The following NCAM2 variants were observed in gnomAD, a reference collection of about 807,000 sequenced individuals.
The protein encoded by NCAM2 is neural cell adhesion molecule 2, also known as N-CAM-2.
Under a neutral mutation model 98.1 loss-of-function variants are expected in NCAM2, and 30 were observed. The observed-to-expected ratio is 0.31, with a 90% CI of 0.23 to 0.41. The LOEUF (loss-of-function observed/expected upper bound fraction) is 0.41. Ranked by LOEUF, NCAM2 falls within the 10% of genes least tolerant of loss-of-function variation. NCAM2 has a pLI of 1.00. For missense variants in NCAM2, 867 were observed against 1,005.8 expected, an observed-to-expected ratio of 0.86 and a Z score of 1.87; for synonymous variants, 368 against 342.4, an observed-to-expected ratio of 1.07 and a Z score of -0.83.
At chr21:21,330,999 A>G (rs1020426926) in intron 6 of NCAM2, among the ~76,000 whole-genome samples, 4 of 152,082 alleles carry the variant, frequency 2.6e-5, no homozygotes, top group Non-Finnish European at 4.4e-5. Context: ...GATGTTTTGT[A>G]TGTCCTCCAT....
At chr21:21,050,102 G>A (rs2065077406) in intron 1 of NCAM2, among the ~76,000 whole-genome samples, 1 of 147,692 alleles carries the variant, frequency 6.8e-6, no homozygotes, top group Non-Finnish European at 1.5e-5. Flanking sequence ...AAATTTGAAT[G>A]TTTTTTTCAT....
chr21:21,250,048 A>G (rs1201268841), intron 1 of NCAM2, among the ~76,000 whole-genome samples: 2 of 152,178 alleles, frequency 1.3e-5, no homozygotes, highest in Non-Finnish European at 2.9e-5. Flanking sequence ...ATAGGTTCGG[A>G]TAGACTAATC....
At chr21:21,431,557 A>C (rs1447894177) in intron 11 of NCAM2, among the ~76,000 whole-genome samples, 1 of 152,136 alleles carries the variant, frequency 6.6e-6, no homozygotes, top group Non-Finnish European at 1.5e-5. Flanking sequence ...ATAATATATA[A>C]ATGAAATTAG....
intron 1 of NCAM2, among the ~76,000 whole-genome samples, chr21:21,262,510 A>T (rs1377944407): frequency 6.6e-6 from 1 of 152,050 alleles, no homozygotes; most frequent in African/African-American, 2.4e-5. Flanking sequence ...AAATAATAAG[A>T]GCTATATTTG....
chr21:21,116,449 C>T (rs1429291568), intron 1 of NCAM2, among the ~76,000 whole-genome samples: 1 of 152,072 alleles, frequency 6.6e-6, no homozygotes, highest in Non-Finnish European at 1.5e-5. Flanking sequence ...ATATGGCTGA[C>T]GAAGTGTCTT....
intron 1 of NCAM2, among the ~76,000 whole-genome samples, chr21:21,119,339 A>C (rs1037404024): frequency 6.6e-6 from 1 of 152,184 alleles, no homozygotes; most frequent in Non-Finnish European, 1.5e-5. Context: ...CTATGAGCTC[A>C]GATTTCTGGT....
chr21:21,210,829 T>A (rs947869637), intron 1 of NCAM2: 6 of 296,240 alleles, frequency 2.0e-5, no homozygotes, highest in Middle Eastern at 8.9e-4. Flanking sequence ...AGGGATACTT[T>A]GATAAATTAC....
Position 21,292,162 on chromosome 21 carries a change from T to C in NCAM2, c.540T>C (p.Asp180=). The C allele has an allele frequency of 1.2e-6, 2 of 1,610,794 alleles. No individual in the cohort carries two copies. Among genetic ancestry groups the C allele is most frequent in the African/African-American group, 2.7e-5 (2 of 74,786 alleles). ...AGATTCTCAACATCAATAAAAGTGATGAAGGTATATACAGATGTGAAGGAA... is the reference window on the plus strand; with the variant it reads ...AGATTCTCAACATCAATAAAAGTGACGAAGGTATATACAGATGTGAAGGAA... ...NLQILNINKS[D]EGIYRCEGRV... is the part of the protein sequence containing the mutation. Residue 180 remains aspartate, a synonymous_variant, in exon 5 of 18, where the codon GAT becomes GAC. Transcript: ENST00000400546.
chr21:21,123,267 C>T (rs11701723), intron 1 of NCAM2, among the ~76,000 whole-genome samples: 89,125 of 151,490 alleles, frequency 0.59, 26,864 homozygotes, highest in East Asian at 0.81. Context: ...TGGTGGCACG[C>T]ACCTGAGTCC....
intron 9 of NCAM2, among the ~76,000 whole-genome samples, chr21:21,399,132 A>C (rs1040014218): frequency 6.6e-6 from 1 of 152,174 alleles, no homozygotes; most frequent in African/African-American, 2.4e-5. Context: ...TCAAGTCACA[A>C]TGCTTCCATA....
chr21:21,390,216 T>C (rs2076352907), intron 9 of NCAM2, among the ~76,000 whole-genome samples: 1 of 152,228 alleles, frequency 6.6e-6, no homozygotes, highest in South Asian at 2.1e-4. Flanking sequence ...GCTTGCATTA[T>C]GTTATTACAA....
rs9982299 is a variant in NCAM2, at chr21:21,120,554, C to T, written c.55+121936C>T. Among the ~76,000 whole-genome samples the T allele has an allele frequency of 7.5e-3, 1,146 of 151,984 alleles. 13 individuals carry two copies. The highest frequency in any genetic ancestry group is 0.026 in the African/African-American group (1,082 of 41,438). ...CTGATTAAGCCTGCGTGTTCACAGG[C>T]GGGGGACGCTGCTTCGGCAGAGCCC... On this transcript the variant is annotated intron_variant, in intron 1 of 17. Coordinates refer to ENST00000400546, the MANE Select transcript of NCAM2 (RefSeq NM_004540.5).
intron 6 of NCAM2, among the ~76,000 whole-genome samples, chr21:21,333,224 A>C (rs907193718): frequency 9.9e-5 from 15 of 152,206 alleles, no homozygotes; most frequent in African/African-American, 3.6e-4. Flanking sequence ...TCCCTTATTT[A>C]TGATGGCTTA....
At position 21,164,501 on chromosome 21, in the gene NCAM2, G is replaced by A. The variant is rs559049864; in HGVS notation, c.56-116077G>A. ...TAACATAACCCCGAGAGACTAACTG[G>A]ACTACCTTTGGTCAGATGACAGAAG... On this transcript the variant is annotated intron_variant, in intron 1 of 17. Transcript: ENST00000400546. 1.1e-4 allele frequency among the ~76,000 whole-genome samples: 16 copies of A among 152,108 alleles called. No individual in the cohort carries two copies. In the East Asian group the frequency reaches 2.5e-3, roughly 24 times the overall value.
chr21:21,104,528 A>G (rs2066306602), intron 1 of NCAM2, among the ~76,000 whole-genome samples: 1 of 152,076 alleles, frequency 6.6e-6, no homozygotes, highest in African/African-American at 2.4e-5. Flanking sequence ...TGAAGCATAT[A>G]TTTTAGTAAA....
Position 21,508,849 on chromosome 21 carries a change from A to AAAAAAG in NCAM2, c.2078-2_2078-1insAAAAAG. 3.0e-6 allele frequency: 2 copies of AAAAAAG among 670,692 alleles called. No homozygotes were observed. Among genetic ancestry groups the AAAAAAG allele is most frequent in the Non-Finnish European group, 4.1e-6 (2 of 488,298 alleles). 41.5% of individuals were successfully genotyped at this position (670,692 alleles called of 1,614,324 possible). On this transcript the variant is annotated splice_acceptor_variant, in intron 15 of 17. Transcript: ENST00000400546. LOFTEE classifies it high-confidence loss of function. ...TTTTTTTTTTTTTTTTTACTTTTTA[A>AAAAAAG]GACACGCTGTTTAATGGTCTTGGGC... is the stretch of plus-strand genomic sequence containing the variant.
intron 1 of NCAM2, among the ~76,000 whole-genome samples, chr21:21,038,878 T>C (rs1016095846): frequency 2.0e-4 from 31 of 152,306 alleles, no homozygotes; most frequent in African/African-American, 7.0e-4. Flanking sequence ...CGCTAAAACA[T>C]GGCAGAACCT....
At chr21:21,320,562 A>G (rs1379275673) in intron 5 of NCAM2, among the ~76,000 whole-genome samples, 4 of 152,222 alleles carry the variant, frequency 2.6e-5, no homozygotes, top group Non-Finnish European at 2.9e-5. Flanking sequence ...TTGCAGCAGT[A>G]GGGAAGAGCA....
chr21:21,257,731 C>A (rs548195481), intron 1 of NCAM2, among the ~76,000 whole-genome samples: 1 of 152,222 alleles, frequency 6.6e-6, no homozygotes, highest in Non-Finnish European at 1.5e-5. Flanking sequence ...TCCAGGGACC[C>A]GCCACTATGC....
Sources: allele counts gnomAD v4.1 joint callset (sites outside exome capture counted in the v4.1 genomes callset), GRCh38; gene constraint gnomAD v4.1.1; transcripts MANE v1.5; gene names NCBI Gene and HGNC (gene_info 2026-07-23, HGNC 2026-07-21).